The following ECD variants were observed in gnomAD, a reference collection of about 807,000 sequenced individuals.
ECD encodes protein ecdysoneless homolog.
A neutral mutation model predicts 77.2 loss-of-function variants in ECD; 59 were observed. The observed-to-expected ratio is 0.76, with a 90% CI of 0.62 to 0.95. The LOEUF (loss-of-function observed/expected upper bound fraction) is 0.95. ECD is among the 40% of genes least tolerant of loss of function. ECD has a pLI of 0.00. For synonymous variants in ECD, 233 were observed against 267.4 expected (o/e 0.87, Z 1.26); for missense variants, 704 against 763.4 (o/e 0.92, Z 0.92).
chr10:73,135,990 T>C (rs984422465), intron 13 of ECD, among the ~76,000 whole-genome samples: 1 of 152,170 alleles, frequency 6.6e-6, no homozygotes, highest in Non-Finnish European at 1.5e-5. Flanking sequence ...TAAAGGCCTA[T>C]TGTAGGTTTT....
At chr10:73,143,368 A>T (rs1843082888) in intron 9 of ECD, among the ~76,000 whole-genome samples, 1 of 150,786 alleles carries the variant, frequency 6.6e-6, no homozygotes, top group African/African-American at 2.4e-5. Flanking sequence ...AGGGTTTCCC[A>T]TATTGGCCAG....
intron 1 of ECD, among the ~76,000 whole-genome samples, chr10:73,164,823 C>A (rs1033340371): frequency 2.0e-5 from 3 of 152,084 alleles, no homozygotes; most frequent in Non-Finnish European, 2.9e-5. Context: ...TAAAAGGAAA[C>A]CTTGATATAA....
At chr10:73,157,574 C>T (rs1843312990) in intron 3 of ECD, among the ~76,000 whole-genome samples, 1 of 151,016 alleles carries the variant, frequency 6.6e-6, no homozygotes, top group African/African-American at 2.4e-5. Flanking sequence ...CAAAAAAAAT[C>T]AGCCAGGCGT....
chr10:73,167,301 A>G (rs1843492674), intron 1 of ECD, among the ~76,000 whole-genome samples: 1 of 152,050 alleles, frequency 6.6e-6, no homozygotes, highest in Admixed American at 6.6e-5. Context: ...GGTTCCATAT[A>G]AATTTTAGGA....
chr10:73,142,038 T>C (rs1160468330), intron 9 of ECD, among the ~76,000 whole-genome samples: 1 of 152,176 alleles, frequency 6.6e-6, no homozygotes, highest in African/African-American at 2.4e-5. Context: ...CACTGCAGCC[T>C]TGACTCTTGG....
At chr10:73,148,480 C>T (rs902970216) in intron 7 of ECD, 76 bp from the exon 8 acceptor site, 92 of 1,520,938 alleles carry the variant, frequency 6.0e-5, no homozygotes, top group Non-Finnish European at 7.8e-5. Context: ...TACTTTTTTT[C>T]CATTGAGCCA....
At chr10:73,136,323 C>T (rs560251682) in intron 13 of ECD, among the ~76,000 whole-genome samples, 16 of 152,230 alleles carry the variant, frequency 1.1e-4, no homozygotes, top group Non-Finnish European at 1.9e-4. Flanking sequence ...TCCACTGTGG[C>T]CCAAGGCATA....
rs777578873 is a variant in ECD, at chr10:73,136,741, G to A, written c.1667C>T (p.Thr556Ile). 6.2e-6 allele frequency: 10 copies of A among 1,613,986 alleles called. No homozygotes were observed. The highest frequency in any genetic ancestry group is 3.3e-5 in the Admixed American group (2 of 60,016). The stretch of plus-strand genomic sequence containing the variant: ...AGTGGTGAAACTTTTGCTGATGCAG[G>A]TGTGTGCTAGTTCCTGGTCCATCTG... Reference protein sequence around the residue: ...MAQMDQELAHTCISKSFTTRN... With the variant: ...MAQMDQELAHICISKSFTTRN... The change falls in exon 13 of 14, where the codon ACC (threonine) becomes ATC (isoleucine). Residue 556 changes from threonine (T) to isoleucine (I), a missense_variant. This residue lies in a region of ECD where 142 missense variants were observed against 163.6 expected (regional missense o/e 0.87). Transcript: ENST00000372979.
At chr10:73,140,610 A>G (rs1366384845) in intron 9 of ECD, among the ~76,000 whole-genome samples, 1 of 152,010 alleles carries the variant, frequency 6.6e-6, no homozygotes, top group Non-Finnish European at 1.5e-5. Context: ...TGAACCCGGG[A>G]GGTGGAGGTT....
chr10:73,152,128 C>A (rs1843217927), intron 7 of ECD, among the ~76,000 whole-genome samples, 165 bp downstream of exon 7: 1 of 152,222 alleles, frequency 6.6e-6, no homozygotes, highest in Non-Finnish European at 1.5e-5. Context: ...GTCCCATCAT[C>A]ACTTACTAAG....
chr10:73,135,420 T>C (rs1236721469), intron 13 of ECD, among the ~76,000 whole-genome samples: 1 of 152,102 alleles, frequency 6.6e-6, no homozygotes, highest in African/African-American at 2.4e-5. Context: ...TGGGGCTTAT[T>C]AGAAATGGAA....
In ECD at chr10:73,152,331, C is replaced by T. The variant is rs1564664328; in HGVS notation, c.874G>A (p.Asp292Asn). The T allele has an allele frequency of 6.2e-7, 1 of 1,613,858 alleles. No individual in the cohort carries two copies. Among genetic ancestry groups the T allele is most frequent in the Non-Finnish European group, 8.5e-7 (1 of 1,179,834 alleles). The change falls in exon 7 of 14, where the codon GAT (aspartate) becomes AAT (asparagine). Residue 292 changes from aspartate (D) to asparagine (N), a missense_variant. Physicochemically the swap from Asp to Asn is conservative, Grantham distance 23. This residue lies in a region of ECD where 559 missense variants were observed against 583.7 expected (regional missense o/e 0.96). Transcript: ENST00000372979. ...RSGYRLPPPS[D>N]PQYRAHELGM... Reference sequence around the variant, plus strand: ...AATTCATGGGCTCGGTACTGGGGATCAGATGGAGGAGGCAGCCTGTATCCA... The same window carrying T: ...AATTCATGGGCTCGGTACTGGGGATTAGATGGAGGAGGCAGCCTGTATCCA...
intron 7 of ECD, 131 bp from the exon 8 acceptor site, chr10:73,148,535 A>C (rs570076178): frequency 1.1e-6 from 1 of 936,110 alleles, no homozygotes; most frequent in Admixed American, 3.5e-5. Flanking sequence ...TTGGACAATT[A>C]TAACACTTTT....
chr10:73,146,161 G>C (rs1262473841), intron 9 of ECD, 115 bp downstream of exon 9: 3 of 403,566 alleles, frequency 7.4e-6, no homozygotes, highest in Non-Finnish European at 1.1e-5. Context: ...CTGGGTGACA[G>C]AGTGAGACTC....
At chr10:73,147,877 C>CATATAT (rs149598380) in intron 8 of ECD, among the ~76,000 whole-genome samples, 5 of 147,942 alleles carry the variant, frequency 3.4e-5, no homozygotes, top group African/African-American at 1.2e-4. Flanking sequence ...TTACTGTGTT[C>CATATAT]ATATATATAT....
intron 9 of ECD, among the ~76,000 whole-genome samples, chr10:73,145,682 T>C (rs941583485): frequency 2.1e-5 from 3 of 139,888 alleles, no homozygotes; most frequent in Non-Finnish European, 3.0e-5. Flanking sequence ...TTTTTTGAGA[T>C]GGAGTCTCGC....
At chr10:73,154,128 T>G in intron 6 of ECD, 128 bp downstream of exon 6, 1 of 989,978 alleles carries the variant, frequency 1.0e-6, no homozygotes, top group Non-Finnish European at 1.4e-6. Flanking sequence ...TATTTCCTTT[T>G]TTTTCTAGAG....
At position 73,163,763 on chromosome 10, in the gene ECD, G is replaced by T; in HGVS notation, c.175C>A (p.Pro59Thr). The T allele has an allele frequency of 4.3e-6, 7 of 1,614,096 alleles. No homozygotes were observed. Among genetic ancestry groups the T allele is most frequent in the Non-Finnish European group, 5.9e-6 (7 of 1,180,022 alleles). ...CCAGGTTTATATTTAAGATTGAAAG[G>T]CTGATTCTGCCAGATGTAGGGGACC... ...MLVPYIWQNQ[P>T]FNLKYKPGKG... Residue 59 changes from proline (P) to threonine (T), a missense_variant, in exon 2 of 14, where the codon CCT becomes ACT. Physicochemically the swap from Pro to Thr is conservative, Grantham distance 38. Transcript: ENST00000372979.
intron 6 of ECD, 116 bp from the exon 7 acceptor site, chr10:73,152,537 G>T: frequency 3.3e-6 from 4 of 1,207,136 alleles, no homozygotes; most frequent in Non-Finnish European, 4.6e-6. Flanking sequence ...CATATGAAAT[G>T]CAAAGAAGAT....
Sources: gnomAD v4.1 joint callset for allele counts (sites outside exome capture counted in the v4.1 genomes callset) on GRCh38, gnomAD v4.1.1 for gene constraint, gnomAD v4.1.1 regional missense constraint, MANE v1.5 for transcripts, NCBI Gene and HGNC (gene_info 2026-07-23, HGNC 2026-07-21) for gene names.